The following LIMS1 variants were observed in gnomAD, a reference collection of about 807,000 sequenced individuals.
The protein encoded by LIMS1 is LIM and senescent cell antigen-like-containing domain protein 1.
In LIMS1, 18 loss-of-function variants were observed where a neutral mutation model predicts 44.1. The ratio of observed to expected loss-of-function variants is 0.41; its 90% CI spans 0.28 to 0.61. The LOEUF is 0.61. LIMS1 is among the 20% of genes least tolerant of loss of function. The pLI is 0.32. For missense variants in LIMS1, 201 were observed against 422.0 expected (o/e 0.48, Z 4.59); for synonymous variants, 93 against 149.1 (o/e 0.62, Z 2.74).
intron 1 of LIMS1, among the ~76,000 whole-genome samples, chr2:108,599,969 C>A (rs1292764338): frequency 6.6e-6 from 1 of 151,270 alleles, no homozygotes; most frequent in African/African-American, 2.4e-5. Context: ...GATATCTTCT[C>A]CCATTCTGTG....
At chr2:108,538,063 A>G (rs544196149) in intron 1 of LIMS1, among the ~76,000 whole-genome samples, 11 of 152,358 alleles carry the variant, frequency 7.2e-5, no homozygotes, top group African/African-American at 2.6e-4. Flanking sequence ...TGTTAGTTTT[A>G]TAGTTCTCGT....
At position 108,564,578 on chromosome 2, in the gene LIMS1, C is replaced by G. The variant is rs768422766; in HGVS notation, c.32+29984C>G. ...GACCCAGGGAGGAGCCGGTGTTGCA[C>G]TTCAAGTCTGAAGGCTGTCTAATGG... On this transcript the variant is annotated intron_variant, in intron 1 of 9. Coordinates refer to ENST00000544547, the Ensembl canonical transcript of LIMS1. Among the ~76,000 whole-genome samples the G allele has an allele frequency of 1.4e-3, 215 of 152,232 alleles. 1 individual carries two copies. Among genetic ancestry groups the G allele is most frequent in the Non-Finnish European group, 8.8e-4 (60 of 68,004 alleles).
chr2:108,567,952 C>A (rs1685351178), intron 1 of LIMS1, among the ~76,000 whole-genome samples: 1 of 152,320 alleles, frequency 6.6e-6, no homozygotes, highest in South Asian at 2.1e-4. Flanking sequence ...AACATTGATT[C>A]ATTGATTTAA....
At position 108,639,516 on chromosome 2, in the gene LIMS1, C is replaced by T. The variant is rs139650534; in HGVS notation, c.33-20089C>T. ...CGCCCAGGCTGGAGCGCAGTTGCGC[C>T]ATCTCAGCTCATTGCAACCTCCACC... On this transcript the variant is annotated intron_variant, in intron 1 of 9. Coordinates refer to ENST00000544547, the Ensembl canonical transcript of LIMS1. Among the ~76,000 whole-genome samples the T allele has an allele frequency of 3.4e-3, 513 of 152,320 alleles. 2 individuals are homozygous for T. The highest frequency in any genetic ancestry group is 0.011 in the African/African-American group (470 of 41,568).
chr2:108,557,206 T>C (rs1163737445), intron 1 of LIMS1, among the ~76,000 whole-genome samples: 3 of 152,024 alleles, frequency 2.0e-5, no homozygotes, highest in Non-Finnish European at 4.4e-5. Context: ...GCCTCCTGAG[T>C]AGCTGGGACC....
chr2:108,671,075 G>T (rs939634313), intron 3 of LIMS1: 2 of 526,218 alleles, frequency 3.8e-6, no homozygotes, highest in Admixed American at 3.4e-5. Context: ...AGAGGCTGAG[G>T]CAGGAGAATC....
intron 5 of LIMS1, among the ~76,000 whole-genome samples, chr2:108,675,373 A>C (rs1692463991): frequency 6.6e-6 from 1 of 152,060 alleles, no homozygotes; most frequent in Non-Finnish European, 1.5e-5. Context: ...GTCCTTTTAT[A>C]AGGAACCCAC....
chr2:108,636,277 C>G (rs1689245963), intron 1 of LIMS1, among the ~76,000 whole-genome samples: 1 of 152,218 alleles, frequency 6.6e-6, no homozygotes, highest in Non-Finnish European at 1.5e-5. Context: ...CAGTGAGTTC[C>G]CTCACCCAAG....
intron 1 of LIMS1, among the ~76,000 whole-genome samples, chr2:108,608,651 A>T (rs1291224191): frequency 2.0e-5 from 3 of 151,788 alleles, no homozygotes; most frequent in Non-Finnish European, 4.4e-5. Context: ...TGCTTCAGTG[A>T]ATTTTCTTTT....
At chr2:108,647,939 A>T (rs981602731) in intron 1 of LIMS1, among the ~76,000 whole-genome samples, 1 of 152,230 alleles carries the variant, frequency 6.6e-6, no homozygotes, top group African/African-American at 2.4e-5. Flanking sequence ...ACTCCTATTC[A>T]ACATAGTATT....
At chr2:108,604,527 CT>C (rs1687168513) in intron 1 of LIMS1, among the ~76,000 whole-genome samples, 1 of 152,192 alleles carries the variant, frequency 6.6e-6, no homozygotes, top group Non-Finnish European at 1.5e-5. Context: ...GCATTCAGAT[CT>C]TTTATCCTTA....
At chr2:108,599,272 A>G (rs1686875438) in intron 1 of LIMS1, among the ~76,000 whole-genome samples, 1 of 152,200 alleles carries the variant, frequency 6.6e-6, no homozygotes. Flanking sequence ...GATCCCAAAA[A>G]TAAGTGAGAA....
intron 1 of LIMS1, among the ~76,000 whole-genome samples, chr2:108,551,640 A>G (rs1684714871): frequency 6.9e-6 from 1 of 145,334 alleles, no homozygotes; most frequent in African/African-American, 2.5e-5. Context: ...ATATATATGT[A>G]TATATGTGTA....
chr2:108,638,565 G>A (rs560339092), intron 1 of LIMS1, among the ~76,000 whole-genome samples: 9 of 152,144 alleles, frequency 5.9e-5, no homozygotes, highest in East Asian at 1.9e-4. Context: ...CCAACATGGT[G>A]AAACCCCGTC....
intron 2 of LIMS1, among the ~76,000 whole-genome samples, chr2:108,664,417 G>A (rs62151371): frequency 8.2e-3 from 1,238 of 150,424 alleles, no homozygotes; most frequent in South Asian, 0.016. Flanking sequence ...CCCCCACACA[G>A]AGCGACCCAT....
intron 1 of LIMS1, among the ~76,000 whole-genome samples, chr2:108,591,880 C>T (rs781265192): frequency 2.6e-5 from 4 of 151,322 alleles, no homozygotes; most frequent in Admixed American, 6.6e-5. Context: ...CTGCAACCTC[C>T]GCCTCCCAGG....
chr2:108,535,240 T>C (rs1684090440), intron 1 of LIMS1, among the ~76,000 whole-genome samples: 1 of 152,272 alleles, frequency 6.6e-6, no homozygotes, highest in Admixed American at 6.5e-5. Flanking sequence ...AATCTGATCT[T>C]ACACAGATGT....
At chr2:108,535,917 G>C (rs976083743) in intron 1 of LIMS1, among the ~76,000 whole-genome samples, 5 of 152,104 alleles carry the variant, frequency 3.3e-5, no homozygotes, top group African/African-American at 1.2e-4. Context: ...CTCTATTACA[G>C]AAGTGCACGC....
intron 1 of LIMS1, among the ~76,000 whole-genome samples, chr2:108,561,013 G>A (rs1012917769): frequency 6.6e-6 from 1 of 152,134 alleles, no homozygotes; most frequent in African/African-American, 2.4e-5. Flanking sequence ...GAAAGGTTGA[G>A]CCCCTGTCTT....
Sources: gnomAD v4.1 joint callset for allele counts (sites outside exome capture counted in the v4.1 genomes callset) on GRCh38, gnomAD v4.1.1 for gene constraint, MANE v1.5 for transcripts, NCBI Gene and HGNC (gene_info 2026-07-23, HGNC 2026-07-21) for gene names.